The following PKD1 variants were observed in gnomAD, a reference collection of about 807,000 sequenced individuals.
PKD1 encodes the protein polycystin 1, transient receptor potential channel interacting.
PKD1 carries 81 observed loss-of-function variants against 361.7 expected under a neutral mutation model. The observed-to-expected ratio is 0.22, with a 90% confidence interval of 0.19 to 0.27. PKD1 has a LOEUF of 0.27. PKD1 is among the 10% of genes least tolerant of loss of function. The pLI, the probability that PKD1 is intolerant of heterozygous loss-of-function variation, is 1.00. For synonymous variants in PKD1, 3,615 were observed against 2,818.3 expected (o/e 1.28, Z -8.95); for missense variants, 6,399 against 6,118.3 (o/e 1.05, Z -1.53).
At chr16:2,120,983 A>G (rs963116249) in intron 1 of PKD1, among the ~76,000 whole-genome samples, 1 of 147,054 alleles carries the variant, frequency 6.8e-6, no homozygotes, top group Non-Finnish European at 1.5e-5. Context: ...CGCCACTGCA[A>G]TCCAGCCTGG....
intron 29 of PKD1, 37 bp downstream of exon 29, chr16:2,099,824 G>A (rs753957794): frequency 9.6e-6 from 15 of 1,557,090 alleles, no homozygotes; most frequent in South Asian, 1.2e-5. Context: ...GGAAGGGCTG[G>A]GCAGGAAGAG....
rs755028574 is a variant in PKD1 at position 2,110,564 on chromosome 16, G to A, written c.4603C>T (p.Arg1535Cys). ...GTCACATTGAGCCAGGCCTCGCTGC[G>A]GCTCACCTCATTCCAGCCGGCCACC... is the stretch of plus-strand genomic sequence containing the variant. ...VRVAGWNEVSRSEAWLNVTVK... is the reference protein window; with the variant it reads ...VRVAGWNEVSCSEAWLNVTVK... The change falls in exon 15 of 46, where the codon CGC becomes TGC. Residue 1535 changes from arginine to cysteine, a missense_variant. By Grantham distance (180) the Arg-to-Cys change is radical. Coordinates refer to ENST00000262304, the MANE Select transcript of PKD1 (RefSeq NM_001009944.3). The A allele has an allele frequency of 1.4e-5, 23 of 1,610,976 alleles. No individual in the cohort carries two copies. The highest frequency in any genetic ancestry group is 2.2e-5 in the South Asian group (2 of 91,020).
Position 2,106,443 on chromosome 16 carries a change from C to G in PKD1, c.7444G>C (p.Gly2482Arg). 1 of 1,591,366 alleles carries G rather than the reference C, an allele frequency of 6.3e-7. No individual in the cohort carries two copies. The highest frequency in any genetic ancestry group is 8.5e-7 in the Non-Finnish European group (1 of 1,173,890). ...LGGSCRLFPLGAVHALTTKVH... is the reference protein window; with the variant it reads ...LGGSCRLFPLRAVHALTTKVH... ...TTGGTGGTGAGGGCGTGCACAGCGC[C>G]CAGTGGGAAGAGGCGGCAAGAGCCC... Residue 2482 changes from glycine to arginine, a missense_variant, in exon 18 of 46, where the codon GGC becomes CGC. Physicochemically the swap from Gly to Arg is moderately radical, Grantham distance 125 (BLOSUM62 -2). Coordinates refer to ENST00000262304, the MANE Select transcript of PKD1 (RefSeq NM_001009944.3). The surrounding 1 kb of genome is among the most constrained non-coding windows in gnomAD (Gnocchi z 6.5).
Position 2,111,513 on chromosome 16 carries a change from G to A in PKD1, c.3654C>T (p.Asp1218=), listed in dbSNP as rs760040569. 3.1e-6 allele frequency: 5 copies of A among 1,610,014 alleles called. No individual in the cohort carries two copies. The highest frequency in any genetic ancestry group is 3.4e-6 in the Non-Finnish European group (4 of 1,178,912). Residue 1218 remains aspartate, a synonymous_variant, in exon 15 of 46, where the codon GAC becomes GAT. Coordinates refer to ENST00000262304, the MANE Select transcript of PKD1 (RefSeq NM_001009944.3). ...VFEELRGLSV[D]MSLAVEQGAP... ...CGCCCTGCTCCACGGCCAGGCTCAT[G>A]TCCACGCTGAGTCCGCGGAGCTCCT... is the stretch of plus-strand genomic sequence containing the variant.
intron 38 of PKD1, 116 bp from the exon 39 acceptor site, chr16:2,092,708 C>T: frequency 2.3e-6 from 2 of 879,826 alleles, no homozygotes; most frequent in Non-Finnish European, 3.7e-6. Flanking sequence ...CACGGCTAGA[C>T]CTGGGCTTCT....
In PKD1 at chr16:2,090,676, G is replaced by A. The variant is rs36224193; in HGVS notation, c.12136C>T (p.Leu4046=). Reference sequence around the variant, plus strand: ...TCCCCGGCCGCGCAGTCACCTACCAGGATGGCCAGCTGGGCGTAGGCTACC... The same window carrying A: ...TCCCCGGCCGCGCAGTCACCTACCAAGATGGCCAGCTGGGCGTAGGCTACC... ...LGVAYAQLAI[L]LVSSCVDSLW... The change falls in exon 44 of 46, where the codon CTG becomes TTG. Residue 4046 remains leucine, a splice_region_variant and synonymous_variant. Transcript: ENST00000262304. 22 of 1,611,986 alleles carry A rather than the reference G, an allele frequency of 1.4e-5. No individual in the cohort carries two copies. The African/African-American group carries it at 2.4e-4, about 18-fold the overall frequency.
chr16:2,128,712 C>T (rs56122231), intron 1 of PKD1, among the ~76,000 whole-genome samples: 324 of 152,222 alleles, frequency 2.1e-3, no homozygotes, highest in Non-Finnish European at 3.8e-3. Context: ...CTTCCTAGAC[C>T]TTTTCTTTTT....
In PKD1 at chr16:2,099,862, T is replaced by C. The variant is rs779492205; in HGVS notation, c.9922A>G (p.Ser3308Gly). The C allele has an allele frequency of 8.9e-6, 14 of 1,566,260 alleles. No individual in the cohort carries two copies. The highest frequency in any genetic ancestry group is 1.2e-5 in the Non-Finnish European group (14 of 1,156,754). ...TGCCCCGACCCCTACGGCACCCACCTGTAGGCAGAGTCGCCAACAGCCCCG... is the reference window on the plus strand; with the variant it reads ...TGCCCCGACCCCTACGGCACCCACCCGTAGGCAGAGTCGCCAACAGCCCCG... The part of the protein sequence containing the change: ...WYGAVGDSAY[S>G]TGHVSRLSPL... Residue 3308 changes from serine (S) to glycine (G), a missense_variant and splice_region_variant, in exon 29 of 46, where the codon AGC becomes GGC. Ser to Gly is a moderately conservative substitution (Grantham distance 56). Transcript: ENST00000262304.
intron 1 of PKD1, among the ~76,000 whole-genome samples, chr16:2,124,302 C>G (rs1291237059): frequency 1.3e-5 from 2 of 152,218 alleles, no homozygotes; most frequent in Non-Finnish European, 2.9e-5. Context: ...CGTGTGAACC[C>G]CAGGTCGGGC....
At chr16:2,097,021 G>C (rs1254511811) in intron 34 of PKD1, 127 bp downstream of exon 34, 3 of 692,168 alleles carry the variant, frequency 4.3e-6, no homozygotes, top group Non-Finnish European at 7.6e-6. Flanking sequence ...GAGAAGTGAA[G>C]TGGTGCAGCC....
rs1424496188 is a variant in PKD1 at position 2,091,027 on chromosome 16, C to T, written c.11860G>A (p.Ala3954Thr). Residue 3954 changes from alanine to threonine, a missense_variant, in exon 43 of 46, where the codon GCC becomes ACC. Physicochemically the swap from Ala to Thr is moderately conservative, Grantham distance 58. Transcript: ENST00000262304. ...LTAATALVRL[A>T]QLGAADRQWT... The stretch of plus-strand genomic sequence containing the variant: ...TGGCGGTCAGCGGCACCCAGCTGGG[C>T]GAGGCGTACCAGTGCCGTGGCCGCC... 2.0e-6 allele frequency: 3 copies of T among 1,531,810 alleles called. No homozygotes were observed. The highest frequency in any genetic ancestry group is 2.6e-6 in the Non-Finnish European group (3 of 1,144,694). 94.9% of individuals were successfully genotyped at this position (1,531,810 alleles called of 1,614,324 possible).
chr16:2,102,824 TGAA>T lies in PKD1; in HGVS notation c.8935_8937del (p.Phe2979del), dbSNP rs1358948221. The T allele has an allele frequency of 6.2e-7, 1 of 1,609,896 alleles. No individual in the cohort carries two copies. Among genetic ancestry groups the T allele is most frequent in the Non-Finnish European group, 8.5e-7 (1 of 1,179,774 alleles). ...GCCCGCAGAGCTCACCCCGGGGAAA[TGAA>T]GAAGGTGTAGGGCCGGTGGTCAGCA... is the stretch of plus-strand genomic sequence containing the variant. On this transcript the variant is annotated inframe_deletion, in exon 24 of 46. Transcript: ENST00000262304.
rs2092262455 is a variant in PKD1 at position 2,104,602 on chromosome 16, T to C, written c.8057A>G (p.Gln2686Arg). 1.3e-6 allele frequency: 2 copies of C among 1,594,274 alleles called. No homozygotes were observed. Among genetic ancestry groups the C allele is most frequent in the Non-Finnish European group, 8.5e-7 (1 of 1,171,236 alleles). Residue 2686 changes from glutamine (Q) to arginine (R), a missense_variant, in exon 22 of 46, where the codon CAG becomes CGG. Gln to Arg is a conservative substitution (Grantham distance 43, BLOSUM62 1). Transcript: ENST00000262304. The part of the protein sequence containing the change: ...RELVCRSCLK[Q>R]TLHKLEAMML... ...CATGGCCTCCAGCTTGTGCAGCGTC[T>C]GCTTCAGGCACGAGCGGCATACGAG...
Position 2,097,408 on chromosome 16 carries a change from C to T in PKD1, c.10316G>A (p.Arg3439Gln), listed in dbSNP as rs138546384. ...IVGSNLRQLA[R>Q]GQAGHGLGPE... Reference sequence around the variant, plus strand: ...GCCCAGCCCATGGCCCGCCTGGCCCCGTGCCAGCTGCCGCAGATTGCTACC... The same window carrying T: ...GCCCAGCCCATGGCCCGCCTGGCCCTGTGCCAGCTGCCGCAGATTGCTACC... Residue 3439 changes from arginine to glutamine, a missense_variant, in exon 33 of 46, where the codon CGG becomes CAG. Transcript: ENST00000262304. The T allele has an allele frequency of 7.3e-5, 117 of 1,609,924 alleles. No homozygotes were observed. The highest frequency in any genetic ancestry group is 3.3e-4 in the Middle Eastern group (2 of 6,050).
At position 2,088,944 on chromosome 16, in the gene PKD1, T is replaced by TTCCTCTAACCACCCTGGGGTCCTC. The variant is rs2091287723; in HGVS notation, c.*759_*782dup. On this transcript the variant is annotated 3_prime_UTR_variant, in exon 46 of 46. Coordinates refer to ENST00000262304, the MANE Select transcript of PKD1 (RefSeq NM_001009944.3). ...GGAGCCAGCCCCCAGGAGGAGTCTT[T>TTCCTCTAACCACCCTGGGGTCCTC]TCCTCTAACCACCCTGGGGTCCTCT... 2 of 356,962 alleles carry TTCCTCTAACCACCCTGGGGTCCTC rather than the reference T, an allele frequency of 5.6e-6. No individual in the cohort carries two copies. Among genetic ancestry groups the TTCCTCTAACCACCCTGGGGTCCTC allele is most frequent in the Non-Finnish European group, 1.1e-5 (2 of 189,766 alleles). 22.1% of individuals were successfully genotyped at this position (356,962 alleles called of 1,614,324 possible).
At chr16:2,131,294 G>A (rs906817493) in intron 1 of PKD1, among the ~76,000 whole-genome samples, 1 of 151,056 alleles carries the variant, frequency 6.6e-6, no homozygotes, top group East Asian at 2.0e-4. Context: ...GGAGGATCAC[G>A]AGGTCAGGAG....
At chr16:2,092,752 G>A (rs1486144143) in intron 38 of PKD1, 160 bp from the exon 39 acceptor site, 5 of 834,306 alleles carry the variant, frequency 6.0e-6, no homozygotes, top group Middle Eastern at 2.2e-4. Context: ...GGGGCAGACA[G>A]TTGTCTGTCA....
At chr16:2,116,311 C>T (rs1567214378) in intron 8 of PKD1, 193 bp from the exon 9 acceptor site, 7 of 688,888 alleles carry the variant, frequency 1.0e-5, no homozygotes, top group African/African-American at 1.8e-5. Context: ...CCCTGACCTG[C>T]CTTTCAGGAA....
Position 2,089,578 on chromosome 16 carries a change from A to T in PKD1, c.*149T>A. 1 of 999,628 alleles carries T rather than the reference A, an allele frequency of 1.0e-6. No individual in the cohort carries two copies. Among genetic ancestry groups the T allele is most frequent in the Non-Finnish European group, 1.5e-6 (1 of 677,818 alleles). The allele number at this position is 999,628 out of a possible 1,614,324, so 61.9% of individuals were successfully genotyped here. ...GCCACACAGCCTCTTTAAAGTGCTG[A>T]AGCCCACAGACAGACAGATGCCCCT... On this transcript the variant is annotated 3_prime_UTR_variant, in exon 46 of 46. Coordinates refer to ENST00000262304, the MANE Select transcript of PKD1 (RefSeq NM_001009944.3).
Sources: allele counts gnomAD v4.1 joint callset (sites outside exome capture counted in the v4.1 genomes callset), GRCh38; gene constraint gnomAD v4.1.1; non-coding constraint Gnocchi (gnomAD v3.1); transcripts MANE v1.5; gene names NCBI Gene and HGNC (gene_info 2026-07-23, HGNC 2026-07-21).